The following FYB1 variants were observed in gnomAD, a reference collection of about 807,000 sequenced individuals.
The protein encoded by FYB1 is FYN-binding protein 1.
Under a neutral mutation model 94.1 loss-of-function variants are expected in FYB1, and 41 were observed. That is an observed-to-expected ratio of 0.44 (90% CI 0.34 to 0.57). The LOEUF (loss-of-function observed/expected upper bound fraction) is 0.57. Among genes scored for constraint, FYB1 ranks in the 20% least tolerant of loss-of-function variants. FYB1 has a pLI of 0.02. For missense variants in FYB1, 1,050 were observed against 976.8 expected, an observed-to-expected ratio of 1.07 and a Z score of -1.00; for synonymous variants, 367 against 353.2, an observed-to-expected ratio of 1.04 and a Z score of -0.44.
At chr5:39,128,924 T>C (rs961629654) in intron 10 of FYB1, among the ~76,000 whole-genome samples, 1 of 152,156 alleles carries the variant, frequency 6.6e-6, no homozygotes, top group Non-Finnish European at 1.5e-5. Flanking sequence ...ACGAATTTAA[T>C]GTAATCTCTA....
At chr5:39,145,953 C>T (rs184393957) in intron 3 of FYB1, among the ~76,000 whole-genome samples, 22 of 151,156 alleles carry the variant, frequency 1.5e-4, no homozygotes, top group Admixed American at 1.2e-3. Flanking sequence ...CACTCTGTTG[C>T]CCAGGCTGGA....
chr5:39,220,441 G>A (rs1750188730), upstream of FYB1, among the ~76,000 whole-genome samples: 2 of 139,656 alleles, frequency 1.4e-5, no homozygotes, highest in African/African-American at 2.7e-5. Context: ...AAGAAAGAAA[G>A]AAAGAAAAAT....
At position 39,202,423 on chromosome 5, in the gene FYB1, ATTTCCC is replaced by A; in HGVS notation, c.532_537del (p.Gly178_Lys179del). 1 of 1,613,620 alleles carries A rather than the reference ATTTCCC, an allele frequency of 6.2e-7. No individual in the cohort carries two copies. Among genetic ancestry groups the A allele is most frequent in the South Asian group, 1.1e-5 (1 of 91,054 alleles). ...TCAAGATCTTGTGATGCTGACATAA[ATTTCCC>A]TTTAACCCCAGTCAATTTGGGAAAC... is the stretch of plus-strand genomic sequence containing the variant. On this transcript the variant is annotated inframe_deletion, in exon 2 of 19. Coordinates refer to ENST00000512982, the MANE Select transcript of FYB1 (RefSeq NM_001465.6).
chr5:39,200,274 A>G (rs1171327103), intron 2 of FYB1, among the ~76,000 whole-genome samples: 1 of 152,128 alleles, frequency 6.6e-6, no homozygotes, highest in Non-Finnish European at 1.5e-5. Context: ...CAGAAAGAGG[A>G]CTTGGTTAGC....
intron 1 of FYB1, among the ~76,000 whole-genome samples, chr5:39,266,766 C>A (rs76585526): frequency 1.3e-5 from 2 of 152,254 alleles, no homozygotes; most frequent in South Asian, 4.1e-4. Flanking sequence ...GTGGCCTCTG[C>A]AACATTTCAA....
chr5:39,127,656 C>T (rs761428216), intron 11 of FYB1, 85 bp downstream of exon 11: 184 of 1,406,166 alleles, frequency 1.3e-4, no homozygotes, highest in Admixed American at 5.6e-4. Flanking sequence ...CACTATTTTC[C>T]GCTTTTTATT....
intron 18 of FYB1, 23 bp downstream of exon 18, chr5:39,108,208 G>T (rs777800228): frequency 1.3e-6 from 2 of 1,511,540 alleles, no homozygotes; most frequent in Non-Finnish European, 1.8e-6. Context: ...CTGTTCTCTA[G>T]GGTGGTACTA....
intron 1 of FYB1, among the ~76,000 whole-genome samples, chr5:39,232,859 T>C (rs990175658): frequency 6.6e-6 from 1 of 152,030 alleles, no homozygotes; most frequent in Non-Finnish European, 1.5e-5. Flanking sequence ...AGAATGATGA[T>C]TTCCAATTTC....
chr5:39,271,821 G>T (rs1752672630), intron 1 of FYB1, among the ~76,000 whole-genome samples: 1 of 152,218 alleles, frequency 6.6e-6, no homozygotes, highest in South Asian at 2.1e-4. Flanking sequence ...TCAGGAATCT[G>T]AAATTGCACA....
At chr5:39,244,666 G>A (rs968365431) in intron 1 of FYB1, among the ~76,000 whole-genome samples, 39 of 152,292 alleles carry the variant, frequency 2.6e-4, no homozygotes, top group African/African-American at 9.4e-4. Flanking sequence ...AAATGACTTA[G>A]GGAGGATTGC....
chr5:39,116,436 T>C (rs1314074649), intron 16 of FYB1, among the ~76,000 whole-genome samples: 1 of 152,220 alleles, frequency 6.6e-6, no homozygotes, highest in African/African-American at 2.4e-5. Context: ...CTCTTGATTG[T>C]AATCTATCAG....
intron 2 of FYB1, among the ~76,000 whole-genome samples, chr5:39,154,174 C>T (rs1176749734): frequency 6.6e-6 from 1 of 152,150 alleles, no homozygotes; most frequent in Non-Finnish European, 1.5e-5. Flanking sequence ...GGTTGTTAAA[C>T]ATTTATCATC....
chr5:39,181,451 A>G (rs1034305793), intron 2 of FYB1, among the ~76,000 whole-genome samples: 23 of 152,136 alleles, frequency 1.5e-4, no homozygotes, highest in African/African-American at 5.6e-4. Flanking sequence ...GAACTGATAG[A>G]TCTATAGTCT....
intron 2 of FYB1, among the ~76,000 whole-genome samples, chr5:39,190,967 G>A (rs948974988): frequency 4.6e-5 from 7 of 152,128 alleles, no homozygotes; most frequent in African/African-American, 1.7e-4. Context: ...TGACAATTTC[G>A]AAGAGAAATA....
intron 1 of FYB1, among the ~76,000 whole-genome samples, chr5:39,232,822 G>A (rs998011141): frequency 8.6e-5 from 13 of 151,128 alleles, no homozygotes; most frequent in African/African-American, 2.4e-4. Context: ...GCAGTGTTTG[G>A]CTTTTTGTTC....
intron 2 of FYB1, among the ~76,000 whole-genome samples, chr5:39,174,711 T>C (rs1472581857): frequency 6.6e-6 from 1 of 152,218 alleles, no homozygotes; most frequent in South Asian, 2.1e-4. Flanking sequence ...TGCCATGAAA[T>C]CAAAATAAGC....
At chr5:39,229,286 G>A (rs1199165341) in intron 1 of FYB1, among the ~76,000 whole-genome samples, 2 of 152,136 alleles carry the variant, frequency 1.3e-5, no homozygotes, top group Non-Finnish European at 2.9e-5. Context: ...GTAGAGAAGT[G>A]CAGACAACAA....
intron 16 of FYB1, 25 bp from the exon 17 acceptor site, chr5:39,110,414 T>A (rs779071794): frequency 6.5e-6 from 10 of 1,534,884 alleles, no homozygotes; most frequent in Non-Finnish European, 8.0e-6. Context: ...GGAAATAAAT[T>A]GTATCAATAA....
chr5:39,251,531 G>T (rs1042869796), intron 1 of FYB1, among the ~76,000 whole-genome samples: 11 of 152,058 alleles, frequency 7.2e-5, no homozygotes, highest in Non-Finnish European at 1.6e-4. Context: ...GAATAGGTAG[G>T]GCTACTTGAG....
Sources: allele counts gnomAD v4.1 joint callset (sites outside exome capture counted in the v4.1 genomes callset), GRCh38; gene constraint gnomAD v4.1.1; transcripts MANE v1.5; gene names NCBI Gene and HGNC (gene_info 2026-07-23, HGNC 2026-07-21).